N4BP2: variants seen among roughly 807,000 people sequenced by gnomAD.
N4BP2 encodes NEDD4 binding protein 2.
N4BP2 carries 91 observed loss-of-function variants against 152.8 expected under a neutral mutation model. The ratio of observed to expected loss-of-function variants is 0.60; its 90% CI spans 0.50 to 0.71. The LOEUF is 0.71. Among genes scored for constraint, N4BP2 ranks in the 30% least tolerant of loss-of-function variants. The pLI, the probability that N4BP2 is intolerant of heterozygous loss-of-function variation, is 0.00. For synonymous variants in N4BP2, 646 were observed against 705.3 expected (o/e 0.92, Z 1.33); for missense variants, 1,923 against 2,059.1 (o/e 0.93, Z 1.28).
chr4:40,112,972 G>T (rs1172263862), intron 6 of N4BP2, among the ~76,000 whole-genome samples: 1 of 152,166 alleles, frequency 6.6e-6, no homozygotes, highest in Non-Finnish European at 1.5e-5. Context: ...TCAAAGTGTT[G>T]GGATTACAGG....
intron 17 of N4BP2, among the ~76,000 whole-genome samples, chr4:40,153,270 A>G (rs1721300141): frequency 6.6e-6 from 1 of 152,236 alleles, no homozygotes; most frequent in Non-Finnish European, 1.5e-5. Context: ...TATGCAAAAT[A>G]ATTAGGTAAT....
chr4:40,149,372 A>G (rs991451141), intron 16 of N4BP2, among the ~76,000 whole-genome samples: 1 of 152,226 alleles, frequency 6.6e-6, no homozygotes, highest in Non-Finnish European at 1.5e-5. Context: ...TGTTCTGAGT[A>G]TGTAAATCTA....
intron 2 of N4BP2, among the ~76,000 whole-genome samples, chr4:40,089,927 C>G (rs549432058): frequency 2.7e-5 from 4 of 150,702 alleles, no homozygotes; most frequent in African/African-American, 1.0e-4. Flanking sequence ...GTAAATATTT[C>G]TGTAAATTTC....
chr4:40,123,242 CT>C, intron 10 of N4BP2, 30 bp downstream of exon 10: 1 of 1,422,236 alleles, frequency 7.0e-7, no homozygotes, highest in Non-Finnish European at 9.9e-7. Context: ...TAAAGAGCTC[CT>C]TTTTTGTCCA....
chr4:40,136,534 G>A (rs1422734401), intron 13 of N4BP2, among the ~76,000 whole-genome samples: 1 of 152,002 alleles, frequency 6.6e-6, no homozygotes, highest in Admixed American at 6.6e-5. Flanking sequence ...TTACAGGCGC[G>A]CGTCACCACA....
chr4:40,181,350 C>G, the N4BP2 span, among the ~76,000 whole-genome samples: 1 of 152,132 alleles, frequency 6.6e-6, no homozygotes, highest in South Asian at 2.1e-4. Flanking sequence ...CTACTGTTGT[C>G]ATCCCTTCTT....
intron 3 of N4BP2, among the ~76,000 whole-genome samples, chr4:40,099,816 T>C (rs1468460581): frequency 6.6e-6 from 1 of 152,118 alleles, no homozygotes; most frequent in African/African-American, 2.4e-5. Context: ...AGACATTAAG[T>C]TTTTAGTTGA....
At chr4:40,168,298 T>G in the N4BP2 span, among the ~76,000 whole-genome samples, 6 of 152,186 alleles carry the variant, frequency 3.9e-5, no homozygotes, top group Non-Finnish European at 8.8e-5. Context: ...CAGAATGGAT[T>G]AAAAACAAAC....
At chr4:40,138,382 G>A (rs531541457) in intron 14 of N4BP2, among the ~76,000 whole-genome samples, 1 of 152,270 alleles carries the variant, frequency 6.6e-6, no homozygotes, top group African/African-American at 2.4e-5. Context: ...TCCATAGGTT[G>A]CCTTTCACTC....
At chr4:40,102,042 TTTG>T (rs761844515) in intron 3 of N4BP2, 30 bp from the exon 4 acceptor site, 16 of 1,314,836 alleles carry the variant, frequency 1.2e-5, no homozygotes, top group African/African-American at 7.3e-5. Flanking sequence ...TGTCTATATT[TTTG>T]TTGTTGTTAT....
Position 40,156,810 on chromosome 4 carries a change from A to C in N4BP2, c.*2573A>C, listed in dbSNP as rs9998630. 6.6e-6 allele frequency: 1 copy of C among 152,064 alleles called. No individual in the cohort carries two copies. The highest frequency in any genetic ancestry group is 2.4e-5 in the African/African-American group (1 of 41,370). 9.4% of individuals were successfully genotyped at this position (152,064 alleles called of 1,614,324 possible). A position where few individuals can be genotyped will look rare whatever the true frequency, so the allele number is the denominator to read the frequency against. On this transcript the variant is annotated 3_prime_UTR_variant, in exon 18 of 18. Transcript: ENST00000261435. ...CATGATGCTCAAAGGAAATACTCACAGAGCATTTTACATTTGTAGGTTAGC... is the reference window on the plus strand; with the variant it reads ...CATGATGCTCAAAGGAAATACTCACCGAGCATTTTACATTTGTAGGTTAGC...
chr4:40,123,154 T>A lies in N4BP2; in HGVS notation c.4226T>A (p.Val1409Asp). Residue 1409 changes from valine to aspartate, a missense_variant, in exon 10 of 18, where the codon GTT (valine) becomes GAT (aspartate). Coordinates refer to ENST00000261435, the MANE Select transcript of N4BP2 (RefSeq NM_018177.6). Reference sequence around the variant, plus strand: ...TCTCTAACAGTTGAAGATTGTGTGGTTCATATAGATCTGAATCTGGCGAAA... The same window carrying A: ...TCTCTAACAGTTGAAGATTGTGTGGATCATATAGATCTGAATCTGGCGAAA... ...SGSLTVEDCVVHIDLNLAKVI... is the reference protein window; with the variant it reads ...SGSLTVEDCVDHIDLNLAKVI... 6.2e-7 allele frequency: 1 copy of A among 1,612,550 alleles called. No homozygotes were observed. The highest frequency in any genetic ancestry group is 1.1e-5 in the South Asian group (1 of 90,996).
rs751850326 is a variant in N4BP2 at position 40,103,059 on chromosome 4, C to A, written c.1214C>A (p.Thr405Asn). 1 of 1,614,228 alleles carries A rather than the reference C, an allele frequency of 6.2e-7. No homozygotes were observed. The highest frequency in any genetic ancestry group is 8.5e-7 in the Non-Finnish European group (1 of 1,180,036). Residue 405 changes from threonine (T) to asparagine (N), a missense_variant, in exon 4 of 18, where the codon ACT (threonine) becomes AAT (asparagine). Coordinates refer to ENST00000261435, the MANE Select transcript of N4BP2 (RefSeq NM_018177.6). ...TTTCCACCCTCAGTTATTTCTCACA[C>A]TTCCCCAACAAAAGTATGGAGAAAT... ...YTFPPSVISHTSPTKVWRNKD... is the reference protein window; with the variant it reads ...YTFPPSVISHNSPTKVWRNKD...
chr4:40,172,396 A>G, the N4BP2 span, among the ~76,000 whole-genome samples: 2 of 152,182 alleles, frequency 1.3e-5, no homozygotes, highest in Admixed American at 1.3e-4. Flanking sequence ...AACACTTTGC[A>G]TCCTTCAATC....
intron 5 of N4BP2, among the ~76,000 whole-genome samples, chr4:40,109,641 C>T (rs1716680067): frequency 6.6e-6 from 1 of 151,908 alleles, no homozygotes; most frequent in African/African-American, 2.4e-5. Context: ...TTGCTTGAAC[C>T]TGGGAGGCGG....
rs184797722 is a variant in N4BP2 at position 40,069,035 on chromosome 4, G to A, written c.-211-4420G>A. On this transcript the variant is annotated intron_variant, in intron 1 of 17. Coordinates refer to ENST00000261435, the MANE Select transcript of N4BP2 (RefSeq NM_018177.6). The stretch of plus-strand genomic sequence containing the variant: ...CTCGGGAGGCTGAGGCAGGAGAATC[G>A]CTTGAACCTGGGAGGCAGATGTTGC... Among the ~76,000 whole-genome samples, 539 of 151,622 alleles carry A rather than the reference G, an allele frequency of 3.6e-3. 1 individual carries two copies. Among genetic ancestry groups the A allele is most frequent in the African/African-American group, 0.013 (523 of 41,334 alleles).
Position 40,142,762 on chromosome 4 carries a change from G to C in N4BP2, c.4875G>C (p.Glu1625Asp), listed in dbSNP as rs774058160. ...EYPDYDDYRA[E>D]AFLHQQKRME... ...CAGACTATGATGACTACAGAGCAGA[G>C]GCTTTCCTTCACCAACAGAAGAGGA... is the stretch of plus-strand genomic sequence containing the variant. Residue 1625 changes from glutamate to aspartate, a missense_variant, in exon 15 of 18, where the codon GAG (glutamate) becomes GAC (aspartate). Glu to Asp is a conservative substitution (Grantham distance 45). Transcript: ENST00000261435. 92 of 1,613,964 alleles carry C rather than the reference G, an allele frequency of 5.7e-5. 3 individuals are homozygous for C. In the South Asian group the frequency reaches 8.3e-4, roughly 15 times the overall value.
At chr4:40,152,121 A>C (rs1166421632) in intron 16 of N4BP2, among the ~76,000 whole-genome samples, 1 of 152,238 alleles carries the variant, frequency 6.6e-6, no homozygotes, top group African/African-American at 2.4e-5. Flanking sequence ...AGAACTATCT[A>C]TCAGGAAAAG....
At chr4:40,171,084 G>C in the N4BP2 span, among the ~76,000 whole-genome samples, 1 of 152,222 alleles carries the variant, frequency 6.6e-6, no homozygotes, top group Admixed American at 6.5e-5. Context: ...GATTGTATCA[G>C]TTATATTGGA....
Sources: allele counts gnomAD v4.1 joint callset (sites outside exome capture counted in the v4.1 genomes callset), GRCh38; gene constraint gnomAD v4.1.1; transcripts MANE v1.5; gene names NCBI Gene and HGNC (gene_info 2026-07-23, HGNC 2026-07-21).